AQP3: variants seen among roughly 807,000 people sequenced by gnomAD.
AQP3 encodes aquaporin-3.
AQP3 carries 15 observed loss-of-function variants against 30.3 expected under a neutral mutation model. The ratio of observed to expected loss-of-function variants is 0.49; its 90% CI spans 0.33 to 0.76. The LOEUF is 0.76. Ranked by LOEUF, AQP3 falls within the 30% of genes least tolerant of loss-of-function variation. The probability of loss-of-function intolerance (pLI) is 0.02; values close to 1 mark genes in which losing one functional copy is unlikely to be tolerated. For missense variants in AQP3, 272 were observed against 384.8 expected (o/e 0.71, Z 2.45); for synonymous variants, 153 against 163.2 (o/e 0.94, Z 0.47).
At position 33,442,208 on chromosome 9, in the gene AQP3, G is replaced by A. The variant is rs754208176; in HGVS notation, c.714C>T (p.Thr238=). 2.1e-5 allele frequency: 34 copies of A among 1,612,274 alleles called. No individual in the cohort carries two copies. In the Admixed American group the frequency reaches 3.3e-4, roughly 16 times the overall value. The change falls in exon 6 of 6, where the codon ACC becomes ACT. Residue 238 remains threonine, a synonymous_variant. Transcript: ENST00000297991. ...LAGWGSAVFT[T]GQHWWWVPIV... ...TGGGCACCCACCACCAATGCTGGCC[G>A]GTCCTGGGGGGACAGACACTCATAG...
chr9:33,443,406 C>T lies in AQP3; in HGVS notation c.288G>A (p.Glu96=), dbSNP rs1316539605. 1.2e-6 allele frequency: 2 copies of T among 1,608,544 alleles called. No individual in the cohort carries two copies. The highest frequency in any genetic ancestry group is 1.7e-5 in the Admixed American group (1 of 59,220). The change falls in exon 3 of 6, where the codon GAG becomes GAA. Residue 96 remains glutamate, a synonymous_variant. Transcript: ENST00000297991. The surrounding 1 kb of genome is among the most constrained non-coding windows in gnomAD (Gnocchi z 5.0). ...TGTAGATGGGCAGCTTGATCCAGGG[C>T]TCACGAGCCAGGAAGCACATGGCAA... ...VTFAMCFLAR[E]PWIKLPIYTL...
chr9:33,442,711 C>T, intron 4 of AQP3, 141 bp downstream of exon 4: 1 of 1,076,226 alleles, frequency 9.3e-7, no homozygotes. Context: ...AAGTACTTGC[C>T]ACCATGTTCT....
intron 5 of AQP3, 42 bp downstream of exon 5, chr9:33,442,256 AGAG>A: frequency 6.2e-7 from 1 of 1,611,380 alleles, no homozygotes; most frequent in Non-Finnish European, 8.5e-7. Context: ...GGGGCAGGGC[AGAG>A]GAGAGGCAGG....
chr9:33,446,959 C>T (rs575960132), intron 1 of AQP3, among the ~76,000 whole-genome samples: 1 of 152,202 alleles, frequency 6.6e-6, no homozygotes, highest in South Asian at 2.1e-4. Context: ...AACCTTTGGA[C>T]TTTTTGAGGC....
At position 33,447,593 on chromosome 9, in the gene AQP3, C is replaced by T. The variant is rs571685875; in HGVS notation, c.-63G>A. 6.1e-5 allele frequency: 77 copies of T among 1,265,376 alleles called. No individual in the cohort carries two copies. In the African/African-American group the frequency reaches 9.6e-4, roughly 16 times the overall value. The allele number at this position is 1,265,376 out of a possible 1,614,324, so 78.4% of individuals were successfully genotyped here. ...TGGCGGGAGGCGGTGGCGCAGCGAG[C>T]AGCGGCCTCCAGCGCTGGTGGCTCC... On this transcript the variant is annotated 5_prime_UTR_variant, in exon 1 of 6. Coordinates refer to ENST00000297991, the MANE Select transcript of AQP3 (RefSeq NM_004925.5).
chr9:33,442,371 C>T lies in AQP3; in HGVS notation c.640G>A (p.Val214Ile), dbSNP rs1007352635. The change falls in exon 5 of 6, where the codon GTC becomes ATC. Residue 214 changes from valine to isoleucine, a missense_variant. By Grantham distance (29) the Val-to-Ile change is conservative. Coordinates refer to ENST00000297991, the MANE Select transcript of AQP3 (RefSeq NM_004925.5). ...GGGCCAAAGTCCCGGGCAGGGTTGA[C>T]GGCATAGCCGGAGTTGAAGCCCATG... is the stretch of plus-strand genomic sequence containing the variant. ...TSMGFNSGYA[V>I]NPARDFGPRL... The T allele has an allele frequency of 2.6e-5, 42 of 1,611,566 alleles. No individual in the cohort carries two copies. Among genetic ancestry groups the T allele is most frequent in the East Asian group, 1.3e-4 (6 of 44,794 alleles).
chr9:33,446,510 G>A (rs527886355), intron 1 of AQP3, among the ~76,000 whole-genome samples: 1 of 152,294 alleles, frequency 6.6e-6, no homozygotes, highest in South Asian at 2.1e-4. Flanking sequence ...CCACATGAGC[G>A]GCTGAAAAAT....
intron 4 of AQP3, 101 bp from the exon 5 acceptor site, chr9:33,442,619 G>T (rs181592291): frequency 7.9e-7 from 1 of 1,262,454 alleles, no homozygotes. Flanking sequence ...TCTTGTCAGC[G>T]CCCGCCCATG....
chr9:33,443,155 T>C lies in AQP3; in HGVS notation c.373+166A>G. On this transcript the variant is annotated intron_variant, in intron 3 of 5. Transcript: ENST00000297991. The surrounding 1 kb of genome is among the most constrained non-coding windows in gnomAD (Gnocchi z 5.0). ...TGAGACTCTGTTATTGCCCAACTTG[T>C]TTCTTTCCCTTCGTGCCCCCTACCT... The C allele has an allele frequency of 2.5e-6, 3 of 1,199,294 alleles. No homozygotes were observed. The East Asian group carries it at 7.7e-5, about 31-fold the overall frequency. 74.3% of individuals were successfully genotyped at this position (1,199,294 alleles called of 1,614,324 possible).
chr9:33,443,279 G>C lies in AQP3; in HGVS notation c.373+42C>G. ...CTGGTGCCAGCAGGTCCTGAACAGAGGGACGGGGGTAGTGGAGGAGGACAG... is the reference window on the plus strand; with the variant it reads ...CTGGTGCCAGCAGGTCCTGAACAGACGGACGGGGGTAGTGGAGGAGGACAG... On this transcript the variant is annotated intron_variant, in intron 3 of 5. Transcript: ENST00000297991. This position sits in a 1 kb window ranked among gnomAD's most constrained non-coding sequence, Gnocchi z 5.0. The C allele has an allele frequency of 6.4e-7, 1 of 1,561,742 alleles. No homozygotes were observed. The highest frequency in any genetic ancestry group is 8.7e-7 in the Non-Finnish European group (1 of 1,152,552).
In AQP3 at chr9:33,447,525, A is replaced by T; in HGVS notation, c.6T>A (p.Gly2=). Residue 2 remains glycine, a synonymous_variant, in exon 1 of 6, where the codon GGT becomes GGA. Transcript: ENST00000297991. ...AGCGGGACACCAGCTCCTTCTGTCG[A>T]CCCATGGCGGGGCAGGCGGCGGCGC... M[G]RQKELVSRCG... 6.2e-7 allele frequency: 1 copy of T among 1,601,778 alleles called. No homozygotes were observed. The highest frequency in any genetic ancestry group is 8.5e-7 in the Non-Finnish European group (1 of 1,173,802).
chr9:33,445,436 G>T (rs1003849541), intron 1 of AQP3, among the ~76,000 whole-genome samples: 2 of 152,222 alleles, frequency 1.3e-5, no homozygotes, highest in African/African-American at 4.8e-5. Context: ...GGAGAAGCCA[G>T]CGGCAATGAC....
In AQP3 at chr9:33,441,734, CA is replaced by C; in HGVS notation, c.*308del. On this transcript the variant is annotated 3_prime_UTR_variant, in exon 6 of 6. Coordinates refer to ENST00000297991, the MANE Select transcript of AQP3 (RefSeq NM_004925.5). ...CCCCACACACACACACCCCTGCACA[CA>C]CATGCACACACATGCACACACATGC... The C allele has an allele frequency of 2.0e-6, 1 of 491,014 alleles. No individual in the cohort carries two copies. The highest frequency in any genetic ancestry group is 5.1e-5 in the African/African-American group (1 of 19,478). The allele number at this position is 491,014 out of a possible 1,614,324, so 30.4% of individuals were successfully genotyped here. A position where few individuals can be genotyped will look rare whatever the true frequency, so the allele number is the denominator to read the frequency against.
In AQP3 at chr9:33,443,524, G is replaced by T. The variant is rs1826872676; in HGVS notation, c.236-66C>A. 3.2e-6 allele frequency: 5 copies of T among 1,573,616 alleles called. No individual in the cohort carries two copies. In the South Asian group the frequency reaches 4.6e-5, roughly 14 times the overall value. On this transcript the variant is annotated intron_variant, in intron 2 of 5. Transcript: ENST00000297991. The surrounding 1 kb of genome is among the most constrained non-coding windows in gnomAD (Gnocchi z 5.0). Reference sequence around the variant, plus strand: ...CACAGTCGGCAGGCTAGGGTCCCCTGAGAAGGGGTGCAGAGAGGGGTTTCT... The same window carrying T: ...CACAGTCGGCAGGCTAGGGTCCCCTTAGAAGGGGTGCAGAGAGGGGTTTCT...
intron 1 of AQP3, among the ~76,000 whole-genome samples, chr9:33,446,560 T>C (rs1826916402): frequency 1.3e-5 from 2 of 152,050 alleles, no homozygotes; most frequent in Non-Finnish European, 2.9e-5. Flanking sequence ...AACTGGTGGG[T>C]CTGCCAGACC....
At chr9:33,442,778 C>T in intron 4 of AQP3, 74 bp downstream of exon 4, 1 of 1,438,536 alleles carries the variant, frequency 7.0e-7, no homozygotes, top group Middle Eastern at 1.7e-4. Flanking sequence ...AGTCCTGTCC[C>T]CCAACCAGCC....
Position 33,442,934 on chromosome 9 carries a change from A to G in AQP3, c.410T>C (p.Val137Ala). 6.2e-7 allele frequency: 1 copy of G among 1,614,226 alleles called. No individual in the cohort carries two copies. Among genetic ancestry groups the G allele is most frequent in the Non-Finnish European group, 8.5e-7 (1 of 1,180,036 alleles). Residue 137 changes from valine to alanine, a missense_variant, in exon 4 of 6, where the codon GTT becomes GCT. By Grantham distance (64) the Val-to-Ala change is moderately conservative. Around this residue, in one of 3 missense-constraint regions of AQP3, gnomAD observed 170 missense variants for 286.4 expected, o/e 0.59. Transcript: ENST00000297991. ...IWHFADNQLF[V>A]SGPNGTAGIF... The stretch of plus-strand genomic sequence containing the variant: ...GCCGGCTGTGCCATTGGGGCCCGAA[A>G]CAAAAAGCTGGTTGTCGGCGAAGTG...
intron 1 of AQP3, among the ~76,000 whole-genome samples, chr9:33,445,924 T>C (rs570765127): frequency 6.6e-6 from 1 of 152,304 alleles, no homozygotes; most frequent in African/African-American, 2.4e-5. Flanking sequence ...ATACCTCACA[T>C]CCATCTGAGT....
intron 3 of AQP3, 23 bp from the exon 4 acceptor site, chr9:33,442,993 G>A: frequency 6.2e-7 from 1 of 1,600,582 alleles, no homozygotes; most frequent in Middle Eastern, 1.7e-4. Flanking sequence ...TAGACACACA[G>A]TGAGTCGGGG....
Sources: gnomAD v4.1 joint callset for allele counts (sites outside exome capture counted in the v4.1 genomes callset) on GRCh38, gnomAD v4.1.1 for gene constraint, gnomAD v4.1.1 regional missense constraint, Gnocchi (gnomAD v3.1) non-coding constraint, MANE v1.5 for transcripts, NCBI Gene and HGNC (gene_info 2026-07-23, HGNC 2026-07-21) for gene names.